MDGA1: variants seen among roughly 807,000 people sequenced by gnomAD.
MDGA1 encodes MAM domain-containing glycosylphosphatidylinositol anchor protein 1.
A neutral mutation model predicts 101.5 loss-of-function variants in MDGA1; 54 were observed. The observed-to-expected ratio is 0.53, with a 90% CI of 0.43 to 0.67. The LOEUF (loss-of-function observed/expected upper bound fraction) is 0.67, where lower values mean the gene tolerates loss of function less well. Ranked by LOEUF, MDGA1 falls within the 30% of genes least tolerant of loss-of-function variation. The pLI, the probability that MDGA1 is intolerant of heterozygous loss-of-function variation, is 0.00. For synonymous variants in MDGA1, 533 were observed against 558.3 expected (o/e 0.95, Z 0.64); for missense variants, 1,083 against 1,323.8 (o/e 0.82, Z 2.82).
At chr6:37,642,682 A>G (rs558754599) in intron 14 of MDGA1, among the ~76,000 whole-genome samples, 2 of 152,336 alleles carry the variant, frequency 1.3e-5, no homozygotes, top group Admixed American at 1.3e-4. Context: ...TCCTCAGCAG[A>G]GTCTTCCATG....
chr6:37,693,744 A>G (rs1468304141), intron 1 of MDGA1, among the ~76,000 whole-genome samples: 1 of 152,212 alleles, frequency 6.6e-6, no homozygotes, highest in Non-Finnish European at 1.5e-5. Context: ...AAAGCAGATT[A>G]CAGGATCCAC....
chr6:37,648,706 C>G, intron 9 of MDGA1: 1 of 549,822 alleles, frequency 1.8e-6, no homozygotes, highest in East Asian at 3.4e-5. Flanking sequence ...CCTTGGAAGG[C>G]GAAGGCCTCA....
intron 1 of MDGA1, among the ~76,000 whole-genome samples, chr6:37,669,724 C>T (rs542022462): frequency 6.6e-6 from 1 of 152,304 alleles, no homozygotes; most frequent in African/African-American, 2.4e-5. Context: ...CGGAAGGCAA[C>T]CCAGGCAGGG....
At chr6:37,651,123 G>A (rs1761349876) in intron 7 of MDGA1, among the ~76,000 whole-genome samples, 2 of 152,216 alleles carry the variant, frequency 1.3e-5, no homozygotes, top group South Asian at 4.1e-4. Flanking sequence ...TGGTGGAGCA[G>A]AGCCCCTATA....
chr6:37,685,770 A>G (rs1218780749), intron 1 of MDGA1, among the ~76,000 whole-genome samples: 1 of 152,060 alleles, frequency 6.6e-6, no homozygotes, highest in African/African-American at 2.4e-5. Flanking sequence ...TGTCTGGGTG[A>G]CCCAAGCAAG....
chr6:37,659,701 C>T (rs1467700855), intron 2 of MDGA1, among the ~76,000 whole-genome samples: 1 of 152,090 alleles, frequency 6.6e-6, no homozygotes, highest in Non-Finnish European at 1.5e-5. Flanking sequence ...GAAAGGGCAA[C>T]CTTTCTCATG....
intron 1 of MDGA1, among the ~76,000 whole-genome samples, chr6:37,671,442 T>A (rs995751803): frequency 3.3e-5 from 5 of 152,098 alleles, no homozygotes; most frequent in African/African-American, 1.2e-4. Context: ...AACATGCCCC[T>A]CCCCAGTCCC....
chr6:37,664,842 G>GACACACACACACACACACAC (rs35594367), intron 1 of MDGA1, among the ~76,000 whole-genome samples: 23 of 55,260 alleles, frequency 4.2e-4, no homozygotes, highest in South Asian at 2.2e-3. Flanking sequence ...CCTAACCTAA[G>GACACACACACACACACACAC]ACACACACAC....
At chr6:37,661,328 C>A (rs909593722) in intron 2 of MDGA1, among the ~76,000 whole-genome samples, 1 of 152,248 alleles carries the variant, frequency 6.6e-6, no homozygotes, top group Middle Eastern at 3.4e-3. Flanking sequence ...CATTTCTGGC[C>A]CCCAGATATC....
intron 3 of MDGA1, among the ~76,000 whole-genome samples, chr6:37,656,222 CAT>C (rs1761483796): frequency 2.0e-5 from 3 of 151,800 alleles, no homozygotes; most frequent in African/African-American, 7.3e-5. Flanking sequence ...GGATTACAGG[CAT>C]ATGCCACCAT....
chr6:37,638,103 A>G lies in MDGA1; in HGVS notation c.2776+102T>C. 1.1e-6 allele frequency: 1 copy of G among 870,692 alleles called. No homozygotes were observed. The highest frequency in any genetic ancestry group is 1.9e-6 in the Non-Finnish European group (1 of 524,758). The allele number at this position is 870,692 out of a possible 1,614,324, so 53.9% of individuals were successfully genotyped here. On this transcript the variant is annotated intron_variant, in intron 16 of 16. Coordinates refer to ENST00000434837, the MANE Select transcript of MDGA1 (RefSeq NM_153487.4). This position sits in a 1 kb window ranked among gnomAD's most constrained non-coding sequence, Gnocchi z 4.8. ...TGATTCCCATCACTCAGACATTCTG[A>G]ACCCCTATTCAGACCCAAACACCCT...
chr6:37,675,492 G>A (rs1259654205), intron 1 of MDGA1, among the ~76,000 whole-genome samples: 4 of 152,018 alleles, frequency 2.6e-5, no homozygotes, highest in African/African-American at 9.7e-5. Flanking sequence ...AGTCTTGCAA[G>A]AAAAAAATGT....
intron 1 of MDGA1, among the ~76,000 whole-genome samples, chr6:37,672,651 C>G (rs1761895911): frequency 6.6e-6 from 1 of 152,136 alleles, no homozygotes; most frequent in Admixed American, 6.5e-5. Context: ...TGCCACCACC[C>G]CAGCCACCTC....
intron 9 of MDGA1, chr6:37,648,562 T>G: frequency 4.8e-6 from 1 of 207,194 alleles, no homozygotes. Flanking sequence ...CTAGGCCTGG[T>G]TTGGGTGCTG....
chr6:37,642,857 C>T (rs541751196), intron 14 of MDGA1, among the ~76,000 whole-genome samples: 1 of 152,296 alleles, frequency 6.6e-6, no homozygotes, highest in Admixed American at 6.5e-5. Flanking sequence ...TCGTCCACCT[C>T]GTTCACTACA....
chr6:37,692,229 G>A (rs977365199), intron 1 of MDGA1, among the ~76,000 whole-genome samples: 2 of 152,140 alleles, frequency 1.3e-5, no homozygotes, highest in Admixed American at 6.5e-5. Context: ...CTGCCGCACA[G>A]GGCAGGGCCC....
chr6:37,682,671 C>T (rs531785176), intron 1 of MDGA1, among the ~76,000 whole-genome samples: 42 of 152,306 alleles, frequency 2.8e-4, no homozygotes, highest in African/African-American at 9.6e-4. Context: ...CCCTAAGATT[C>T]CCGCTGGCTC....
At chr6:37,692,821 C>G (rs1714106043) in intron 1 of MDGA1, among the ~76,000 whole-genome samples, 1 of 152,088 alleles carries the variant, frequency 6.6e-6, no homozygotes, top group South Asian at 2.1e-4. Context: ...CTGCCCACCC[C>G]CTCAAGGATG....
intron 1 of MDGA1, among the ~76,000 whole-genome samples, chr6:37,680,658 G>A (rs1456470715): frequency 1.3e-5 from 2 of 152,256 alleles, no homozygotes; most frequent in Non-Finnish European, 1.5e-5. Flanking sequence ...AAGTAAGCAT[G>A]AGCACTGGAT....
Sources: allele counts gnomAD v4.1 joint callset (sites outside exome capture counted in the v4.1 genomes callset), GRCh38; gene constraint gnomAD v4.1.1; non-coding constraint Gnocchi (gnomAD v3.1); transcripts MANE v1.5; gene names NCBI Gene and HGNC (gene_info 2026-07-23, HGNC 2026-07-21).